The following MAP4 variants were observed in gnomAD, a reference collection of about 807,000 sequenced individuals.
MAP4 encodes the protein microtubule-associated protein 4.
Under a neutral mutation model 170.2 loss-of-function variants are expected in MAP4, and 76 were observed. The observed-to-expected ratio is 0.45, with a 90% CI of 0.37 to 0.54. MAP4 has a LOEUF of 0.54. Ranked by LOEUF, MAP4 falls within the 20% of genes least tolerant of loss-of-function variation. The pLI is 0.00. For missense variants in MAP4, 2,506 were observed against 2,748.0 expected (o/e 0.91, Z 1.97); for synonymous variants, 909 against 994.5 (o/e 0.91, Z 1.62).
rs763284138 is a variant in MAP4, at chr3:47,871,216, T to A, written c.6001+11A>T. On this transcript the variant is annotated intron_variant, in intron 14 of 20. Coordinates refer to ENST00000683076, the MANE Select transcript of MAP4 (RefSeq NM_001385682.1). ...AGTTAGGGCTCTACAAAATGGCGGA[T>A]GGGCTATTACCTGGTACAGACTTTG... is the stretch of plus-strand genomic sequence containing the variant. The A allele has an allele frequency of 6.0e-5, 97 of 1,614,058 alleles. 1 individual carries two copies. In the African/African-American group the frequency reaches 9.1e-4, roughly 15 times the overall value.
At chr3:47,859,431 C>T (rs1288050405) in intron 17 of MAP4, among the ~76,000 whole-genome samples, 1 of 152,186 alleles carries the variant, frequency 6.6e-6, no homozygotes, top group African/African-American at 2.4e-5. Context: ...TGTATTTGCA[C>T]CCACAGCCCA....
chr3:47,877,596 A>G, intron 10 of MAP4, 73 bp from the exon 11 acceptor site: 2 of 1,002,882 alleles, frequency 2.0e-6, no homozygotes, highest in East Asian at 2.5e-5. Flanking sequence ...TACAAGGTTT[A>G]GCAAAGACAG....
At chr3:47,975,396 T>A in intron 3 of MAP4, 1 of 1,555,684 alleles carries the variant, frequency 6.4e-7, no homozygotes, top group Non-Finnish European at 8.7e-7. Context: ...TTTAGAAGTA[T>A]AACGATGCTT....
intron 1 of MAP4, among the ~76,000 whole-genome samples, chr3:48,076,203 A>G (rs2100143794): frequency 6.6e-6 from 1 of 151,904 alleles, no homozygotes; most frequent in Non-Finnish European, 1.5e-5. Flanking sequence ...CAACATAGTA[A>G]GACCACATCT....
At chr3:48,045,258 CAAAAAAA>C (rs34377968) in intron 1 of MAP4, among the ~76,000 whole-genome samples, 2 of 102,178 alleles carry the variant, frequency 2.0e-5, no homozygotes, top group African/African-American at 4.0e-5. Flanking sequence ...GACTCAGTCT[CAAAAAAA>C]AAAAAAAAAA....
chr3:48,042,734 A>T (rs1161744750), intron 1 of MAP4, among the ~76,000 whole-genome samples: 2 of 152,210 alleles, frequency 1.3e-5, no homozygotes, highest in Non-Finnish European at 2.9e-5. Context: ...TTACCATATG[A>T]AAGCAGAAAT....
chr3:47,851,149 CTGGCTCCCTCATGTTCT>C lies in MAP4; in HGVS notation c.*1768_*1784del, dbSNP rs1210358848. The C allele has an allele frequency of 6.6e-6, 1 of 152,302 alleles. No homozygotes were observed. Among genetic ancestry groups the C allele is most frequent in the African/African-American group, 2.4e-5 (1 of 41,460 alleles). 9.4% of individuals were successfully genotyped at this position (152,302 alleles called of 1,614,324 possible). A position where few individuals can be genotyped will look rare whatever the true frequency, so the allele number is the denominator to read the frequency against. On this transcript the variant is annotated 3_prime_UTR_variant, in exon 21 of 21. Transcript: ENST00000683076. ...GCCCTTTCTTCCTGCTGACAAAACA[CTGGCTCCCTCATGTTCT>C]TGGCACAGCAGAAGTGTTCTGCACA...
intron 2 of MAP4, among the ~76,000 whole-genome samples, chr3:47,998,117 G>A (rs773779097): frequency 2.0e-5 from 3 of 152,158 alleles, no homozygotes; most frequent in Non-Finnish European, 4.4e-5. Flanking sequence ...AAACTGGACA[G>A]AAGACATTAT....
chr3:47,854,261 G>A (rs556625212), intron 19 of MAP4, among the ~76,000 whole-genome samples: 2 of 152,286 alleles, frequency 1.3e-5, no homozygotes, highest in East Asian at 1.9e-4. Context: ...CCAAGTTAAC[G>A]CCCCACTGAG....
intron 3 of MAP4, among the ~76,000 whole-genome samples, chr3:47,966,808 C>A (rs1459565730): frequency 1.3e-5 from 2 of 152,194 alleles, no homozygotes; most frequent in Admixed American, 1.3e-4. Flanking sequence ...GAGTTTATTT[C>A]TGGGCTTTCC....
chr3:47,857,768 G>T (rs2059111932), intron 17 of MAP4, among the ~76,000 whole-genome samples: 1 of 151,816 alleles, frequency 6.6e-6, no homozygotes, highest in Non-Finnish European at 1.5e-5. Flanking sequence ...GAGTACAGTG[G>T]TACGATCTCA....
intron 3 of MAP4, chr3:47,972,971 G>A (rs2100079665): frequency 1.1e-6 from 1 of 949,292 alleles, no homozygotes; most frequent in Non-Finnish European, 1.3e-6. Flanking sequence ...AATCCGGGTG[G>A]GATTAGAAGC....
At chr3:48,057,646 G>GAAAAAAAAA (rs569379277) in intron 1 of MAP4, among the ~76,000 whole-genome samples, 11 of 131,878 alleles carry the variant, frequency 8.3e-5, no homozygotes, top group East Asian at 2.2e-4. Context: ...AGAAAAAAAA[G>GAAAAAAAAA]AAAAAAAAAA....
intron 2 of MAP4, among the ~76,000 whole-genome samples, chr3:47,979,560 A>G (rs1252600503): frequency 6.6e-6 from 1 of 151,982 alleles, no homozygotes; most frequent in African/African-American, 2.4e-5. Context: ...GGTTCAAGAG[A>G]TTCTCCAGGC....
At chr3:48,031,529 C>A (rs1027409040) in intron 1 of MAP4, among the ~76,000 whole-genome samples, 1 of 151,740 alleles carries the variant, frequency 6.6e-6, no homozygotes, top group East Asian at 1.9e-4. Context: ...CCAGCCTGGG[C>A]GACAGAGCAA....
rs1340974213 is a variant in MAP4 at position 47,916,873 on chromosome 3, C to T, written c.954G>A (p.Lys318=). 20 of 1,614,132 alleles carry T rather than the reference C, an allele frequency of 1.2e-5. No individual in the cohort carries two copies. The Admixed American group carries it at 3.3e-4, about 27-fold the overall frequency. The part of the protein sequence containing the change: ...LPTEKEVALV[K]DVRWPTETDV... ...CTGTTTCTGTGGGCCATCTGACATC[C>T]TTAACCAGGGCCACTTCTTTTTCTG... Residue 318 remains lysine (K), a synonymous_variant, in exon 7 of 21, where the codon AAG becomes AAA. Coordinates refer to ENST00000683076, the MANE Select transcript of MAP4 (RefSeq NM_001385682.1).
chr3:48,036,346 T>C (rs2100118703), intron 1 of MAP4, among the ~76,000 whole-genome samples: 1 of 152,196 alleles, frequency 6.6e-6, no homozygotes, highest in Non-Finnish European at 1.5e-5. Flanking sequence ...GTTAGCTCCC[T>C]TCACCAACAC....
intron 1 of MAP4, among the ~76,000 whole-genome samples, chr3:48,062,200 C>G (rs1269344396): frequency 1.3e-5 from 2 of 151,692 alleles, no homozygotes; most frequent in African/African-American, 4.8e-5. Flanking sequence ...GACCTTACCC[C>G]CAACCCGGTG....
chr3:47,904,330 T>A (rs984853526), intron 9 of MAP4, among the ~76,000 whole-genome samples: 8 of 152,094 alleles, frequency 5.3e-5, no homozygotes, highest in African/African-American at 1.2e-4. Flanking sequence ...TATTATTATT[T>A]TTTGAGATGG....
Sources: allele counts gnomAD v4.1 joint callset (sites outside exome capture counted in the v4.1 genomes callset), GRCh38; gene constraint gnomAD v4.1.1; transcripts MANE v1.5; gene names NCBI Gene and HGNC (gene_info 2026-07-23, HGNC 2026-07-21).